The following ZFHX3 variants were observed in gnomAD, a reference collection of about 807,000 sequenced individuals.
ZFHX3 encodes zinc finger homeobox 3.
Under a neutral mutation model 279.1 loss-of-function variants are expected in ZFHX3, and 42 were observed. The ratio of observed to expected loss-of-function variants is 0.15; its 90% CI spans 0.12 to 0.19. The LOEUF is 0.19. Among genes scored for constraint, ZFHX3 ranks in the 10% least tolerant of loss-of-function variants. ZFHX3 has a pLI of 1.00. For synonymous variants in ZFHX3, 2,293 were observed against 1,957.8 expected, an observed-to-expected ratio of 1.17 and a Z score of -4.52; for missense variants, 4,981 against 4,754.0, an observed-to-expected ratio of 1.05 and a Z score of -1.40.
chr16:73,737,351 T>C (rs1036004846), intron 1 of ZFHX3, among the ~76,000 whole-genome samples: 8 of 152,164 alleles, frequency 5.3e-5, no homozygotes, highest in African/African-American at 1.9e-4. Flanking sequence ...ACTCCATTCT[T>C]GATAACAAAT....
At chr16:72,882,906 G>A (rs1319920477) in intron 4 of ZFHX3, among the ~76,000 whole-genome samples, 4 of 151,976 alleles carry the variant, frequency 2.6e-5, no homozygotes, top group Non-Finnish European at 5.9e-5. Flanking sequence ...TGAAGTGCCA[G>A]TGAGGCTGGG....
intron 5 of ZFHX3, among the ~76,000 whole-genome samples, chr16:73,157,465 T>TTAAAAAAAAAAAAAAA (rs1346539597): frequency 1.3e-5 from 1 of 76,522 alleles, no homozygotes; most frequent in African/African-American, 5.9e-5. Flanking sequence ...GAATGTTTGG[T>TTAAAAAAAAAAAAAAA]AAAAAAAAAA....
chr16:73,117,342 T>C (rs1273518553), intron 7 of ZFHX3, among the ~76,000 whole-genome samples: 1 of 152,216 alleles, frequency 6.6e-6, no homozygotes, highest in African/African-American at 2.4e-5. Flanking sequence ...CATACCAATA[T>C]GCACATGCAT....
At chr16:73,021,438 T>C (rs1174536824) in intron 1 of ZFHX3, among the ~76,000 whole-genome samples, 1 of 152,178 alleles carries the variant, frequency 6.6e-6, no homozygotes, top group African/African-American at 2.4e-5. Flanking sequence ...CTAGAACTCA[T>C]GTCTACCAAG....
intron 3 of ZFHX3, among the ~76,000 whole-genome samples, chr16:73,363,959 G>C (rs2016481859): frequency 6.6e-6 from 1 of 152,158 alleles, no homozygotes; most frequent in African/African-American, 2.4e-5. Flanking sequence ...GATCACTTGA[G>C]ATCAGGAGTT....
chr16:73,355,033 C>G (rs1170758090), intron 3 of ZFHX3, among the ~76,000 whole-genome samples: 1 of 152,170 alleles, frequency 6.6e-6, no homozygotes, highest in East Asian at 1.9e-4. Flanking sequence ...GAAACAAAAA[C>G]TAAATTAGGC....
intron 8 of ZFHX3, among the ~76,000 whole-genome samples, chr16:73,091,210 C>T (rs1317017710): frequency 1.5e-5 from 2 of 136,588 alleles, no homozygotes; most frequent in Admixed American, 7.7e-5. Context: ...GACTCCGTCT[C>T]GGAAAAAAAA....
chr16:73,775,137 C>T (rs1001335293), intron 1 of ZFHX3, among the ~76,000 whole-genome samples: 2 of 152,162 alleles, frequency 1.3e-5, no homozygotes, highest in Admixed American at 1.3e-4. Context: ...TCAAGGTACT[C>T]CTATGGGAAA....
At chr16:73,410,070 T>A (rs751131792) in intron 3 of ZFHX3, among the ~76,000 whole-genome samples, 8 of 152,182 alleles carry the variant, frequency 5.3e-5, no homozygotes, top group Non-Finnish European at 1.2e-4. Context: ...ATCTAGTATT[T>A]GACAGCACCA....
intron 1 of ZFHX3, among the ~76,000 whole-genome samples, chr16:73,002,812 A>G (rs1470804357): frequency 1.3e-5 from 2 of 152,198 alleles, no homozygotes; most frequent in African/African-American, 4.8e-5. Context: ...GGCCAGTGCT[A>G]TTTAAGTGAT....
intron 1 of ZFHX3, among the ~76,000 whole-genome samples, chr16:73,849,825 C>T (rs1820544900): frequency 6.6e-6 from 1 of 152,168 alleles, no homozygotes; most frequent in South Asian, 2.1e-4. Flanking sequence ...CTCCACCTCC[C>T]AGGTTCAAGC....
At chr16:73,680,082 T>C (rs1043106086) in intron 2 of ZFHX3, 3 of 152,200 alleles carry the variant, frequency 2.0e-5, no homozygotes, top group African/African-American at 7.2e-5. Context: ...AGAAATTACC[T>C]GAAATCAACC....
chr16:73,026,037 C>T (rs1261927199), intron 1 of ZFHX3, among the ~76,000 whole-genome samples: 1 of 151,956 alleles, frequency 6.6e-6, no homozygotes, highest in Non-Finnish European at 1.5e-5. Flanking sequence ...TCTTGGCAGT[C>T]TCCGATAGGC....
intron 7 of ZFHX3, among the ~76,000 whole-genome samples, chr16:73,115,002 T>C (rs1966415165): frequency 6.6e-6 from 1 of 152,030 alleles, no homozygotes; most frequent in Non-Finnish European, 1.5e-5. Context: ...CTATAGCGAT[T>C]CCTCAAGAGT....
intron 4 of ZFHX3, among the ~76,000 whole-genome samples, chr16:73,301,571 G>C (rs1334850818): frequency 1.3e-5 from 2 of 152,082 alleles, no homozygotes; most frequent in Non-Finnish European, 2.9e-5. Flanking sequence ...GGGTTAGGGG[G>C]ATACAAAATT....
intron 5 of ZFHX3, among the ~76,000 whole-genome samples, chr16:73,208,207 G>A (rs890987996): frequency 6.6e-6 from 1 of 152,276 alleles, no homozygotes; most frequent in Middle Eastern, 3.4e-3. Flanking sequence ...AAAAGTATAA[G>A]CAATATAATA....
chr16:73,526,610 T>C (rs1268196223), intron 2 of ZFHX3, among the ~76,000 whole-genome samples: 1 of 152,240 alleles, frequency 6.6e-6, no homozygotes, highest in East Asian at 1.9e-4. Flanking sequence ...TTCTAATTTA[T>C]TGGTTAATTC....
At chr16:72,926,021 C>T (rs75775504) in intron 3 of ZFHX3, among the ~76,000 whole-genome samples, 4,092 of 152,296 alleles carry the variant, frequency 0.027, 188 homozygotes, top group African/African-American at 0.089. Context: ...GACCTATTTT[C>T]ACGTTACAAA....
intron 4 of ZFHX3, among the ~76,000 whole-genome samples, chr16:72,840,273 G>A (rs1422735175): frequency 6.6e-6 from 1 of 152,200 alleles, no homozygotes; most frequent in Non-Finnish European, 1.5e-5. Context: ...GGATGTACCA[G>A]AACTGATATT....
Sources: allele counts gnomAD v4.1 joint callset (sites outside exome capture counted in the v4.1 genomes callset), GRCh38; gene constraint gnomAD v4.1.1; transcripts MANE v1.5; gene names NCBI Gene and HGNC (gene_info 2026-07-23, HGNC 2026-07-21).